WNK1: variants seen among roughly 807,000 people sequenced by gnomAD.
WNK1 encodes the protein serine/threonine-protein kinase WNK1.
A neutral mutation model predicts 222.8 loss-of-function variants in WNK1; 38 were observed. The ratio of observed to expected loss-of-function variants is 0.17; its 90% CI spans 0.13 to 0.22. The LOEUF is 0.22. WNK1 is among the 10% of genes least tolerant of loss of function. The pLI is 1.00. For synonymous variants in WNK1, 1,090 were observed against 1,092.9 expected (o/e 1.00, Z 0.05); for missense variants, 2,348 against 2,918.4 (o/e 0.80, Z 4.50).
Position 844,510 on chromosome 12 carries a change from AG to A in WNK1, c.1312-12650del, listed in dbSNP as rs1565508878. On this transcript the variant is annotated intron_variant, in intron 4 of 27. Coordinates refer to ENST00000315939, the MANE Select transcript of WNK1 (RefSeq NM_018979.4). The stretch of plus-strand genomic sequence containing the variant: ...TGTGGAATAAAAAACTTGAAGAGTA[AG>A]TCCATTGGAACTGTGCTAGAATCCT... 1.4e-4 allele frequency among the ~76,000 whole-genome samples: 21 copies of A among 152,336 alleles called. No individual in the cohort carries two copies. The East Asian group carries it at 4.0e-3, about 29-fold the overall frequency.
chr12:836,353 CAAAT>C (rs891996805), intron 4 of WNK1, among the ~76,000 whole-genome samples: 1 of 152,128 alleles, frequency 6.6e-6, no homozygotes, highest in African/African-American at 2.4e-5. Flanking sequence ...TTGCGAAAAA[CAAAT>C]CTGTTGAAAT....
Position 868,727 on chromosome 12 carries a change from CAAG to C in WNK1, c.2140-2532_2140-2530del, listed in dbSNP as rs780566005. ...TCGGCAGGTTGCAGTGGACTTGAAT[CAAG>C]AAGAACTGCCTCCTCAATCAGTTGG... On this transcript the variant is annotated intron_variant, in intron 8 of 27. Coordinates refer to ENST00000315939, the MANE Select transcript of WNK1 (RefSeq NM_018979.4). The C allele has an allele frequency of 2.3e-5, 37 of 1,613,834 alleles. No homozygotes were observed. Among genetic ancestry groups the C allele is most frequent in the Non-Finnish European group, 2.9e-5 (34 of 1,179,912 alleles).
chr12:895,056 G>A (rs1254004666), intron 23 of WNK1, among the ~76,000 whole-genome samples: 3 of 152,064 alleles, frequency 2.0e-5, no homozygotes, highest in African/African-American at 2.4e-5. Flanking sequence ...TTAAGTAACA[G>A]CAAACATCTT....
chr12:817,307 G>C (rs1194866827), intron 2 of WNK1, among the ~76,000 whole-genome samples: 1 of 152,172 alleles, frequency 6.6e-6, no homozygotes, highest in Non-Finnish European at 1.5e-5. Flanking sequence ...CTGCACTCCA[G>C]CCTGGGTGAC....
At chr12:816,810 G>C (rs1947384357) in intron 2 of WNK1, among the ~76,000 whole-genome samples, 1 of 152,100 alleles carries the variant, frequency 6.6e-6, no homozygotes, top group Admixed American at 6.6e-5. Context: ...CACCAATGAA[G>C]GTGAATAGAC....
intron 8 of WNK1, among the ~76,000 whole-genome samples, chr12:866,041 A>G (rs868826399): frequency 2.1e-5 from 3 of 144,328 alleles, no homozygotes; most frequent in African/African-American, 7.6e-5. Context: ...GATCTATCTT[A>G]TAAAATTATT....
At chr12:777,007 C>G (rs189353871) in intron 1 of WNK1, among the ~76,000 whole-genome samples, 1 of 152,000 alleles carries the variant, frequency 6.6e-6, no homozygotes, top group Non-Finnish European at 1.5e-5. Context: ...ACCTCTTGGT[C>G]CCTTTATTGT....
At chr12:856,637 A>G (rs1388906876) in intron 4 of WNK1, among the ~76,000 whole-genome samples, 6 of 152,146 alleles carry the variant, frequency 3.9e-5, no homozygotes, top group African/African-American at 1.4e-4. Context: ...TTATTTGTGC[A>G]GGACAATTTG....
At chr12:831,394 C>T (rs1285384737) in intron 4 of WNK1, among the ~76,000 whole-genome samples, 1 of 151,904 alleles carries the variant, frequency 6.6e-6, no homozygotes, top group East Asian at 1.9e-4. Flanking sequence ...AAAAATTAGC[C>T]AGGCGTGGTG....
In WNK1 at chr12:879,593, A is replaced by G; in HGVS notation, c.2394A>G (p.Val798=). Residue 798 remains valine, a synonymous_variant, in exon 11 of 28, where the codon GTA becomes GTG. Coordinates refer to ENST00000315939, the MANE Select transcript of WNK1 (RefSeq NM_018979.4). Reference sequence around the variant, plus strand: ...CCCAGCTTCCAGTTTCCCAGCCAGTACCAACTATCCAAGGCGAACCTCAGA... The same window carrying G: ...CCCAGCTTCCAGTTTCCCAGCCAGTGCCAACTATCCAAGGCGAACCTCAGA... ...AGKQLPVSQP[V]PTIQGEPQIP... is the part of the protein sequence containing the mutation. The G allele has an allele frequency of 6.3e-7, 1 of 1,598,962 alleles. No homozygotes were observed. The highest frequency in any genetic ancestry group is 2.3e-5 in the East Asian group (1 of 44,424).
intron 1 of WNK1, among the ~76,000 whole-genome samples, chr12:793,932 TC>T (rs1409707100): frequency 6.6e-6 from 1 of 152,176 alleles, no homozygotes; most frequent in Non-Finnish European, 1.5e-5. Context: ...CCTCAACTCT[TC>T]CAGTTGTGTG....
chr12:889,772 T>TAG (rs1954033365), intron 21 of WNK1, among the ~76,000 whole-genome samples: 1 of 152,072 alleles, frequency 6.6e-6, no homozygotes, highest in Non-Finnish European at 1.5e-5. Flanking sequence ...TGAGCCGAGA[T>TAG]TGCACCACTG....
intron 2 of WNK1, among the ~76,000 whole-genome samples, chr12:823,196 T>A (rs1448940200): frequency 1.3e-5 from 2 of 152,234 alleles, no homozygotes; most frequent in African/African-American, 4.8e-5. Flanking sequence ...TCTCCCTTGC[T>A]ACTTTCAAGA....
intron 9 of WNK1, among the ~76,000 whole-genome samples, chr12:877,357 G>A (rs1952725229): frequency 6.6e-6 from 1 of 152,048 alleles, no homozygotes; most frequent in Non-Finnish European, 1.5e-5. Context: ...GAGCCACCGC[G>A]CCCAGCCTCA....
intron 1 of WNK1, among the ~76,000 whole-genome samples, chr12:758,512 C>T (rs867907412): frequency 7.0e-6 from 1 of 142,794 alleles, no homozygotes; most frequent in African/African-American, 2.5e-5. Flanking sequence ...CTCAGCCTCC[C>T]GAGTAGCTGG....
chr12:778,537 G>T (rs753371154), intron 1 of WNK1, among the ~76,000 whole-genome samples: 1 of 151,844 alleles, frequency 6.6e-6, no homozygotes, highest in Non-Finnish European at 1.5e-5. Context: ...CACCATGTTG[G>T]CCAGGCTGGC....
rs1955848146 is a variant in WNK1 at position 908,037 on chromosome 12, A to G, written c.6831+3A>G. 7 of 1,613,988 alleles carry G rather than the reference A, an allele frequency of 4.3e-6. No homozygotes were observed. Among genetic ancestry groups the G allele is most frequent in the Non-Finnish European group, 5.9e-6 (7 of 1,180,002 alleles). On this transcript the variant is annotated splice_donor_region_variant and intron_variant, in intron 27 of 27. Coordinates refer to ENST00000315939, the MANE Select transcript of WNK1 (RefSeq NM_018979.4). ...GCAAAGGGCACATGAATTACGAGGT[A>G]AGTCTCTCTTTTGCCGCAGAGAATC... is the stretch of plus-strand genomic sequence containing the variant.
chr12:849,727 C>G (rs1447080973), intron 4 of WNK1, among the ~76,000 whole-genome samples: 2 of 152,042 alleles, frequency 1.3e-5, no homozygotes, highest in Non-Finnish European at 2.9e-5. Context: ...CTACCCCCAC[C>G]CCACAACAGG....
At chr12:799,754 G>A (rs189917713) in intron 1 of WNK1, among the ~76,000 whole-genome samples, 22 of 152,058 alleles carry the variant, frequency 1.4e-4, no homozygotes, top group Admixed American at 9.8e-4. Context: ...GCACAATCTC[G>A]GCTTGTTGCA....
Sources: gnomAD v4.1 joint callset for allele counts (sites outside exome capture counted in the v4.1 genomes callset) on GRCh38, gnomAD v4.1.1 for gene constraint, MANE v1.5 for transcripts, NCBI Gene and HGNC (gene_info 2026-07-23, HGNC 2026-07-21) for gene names.